Variants in SLC36A1 observed in about 807,000 individuals in gnomAD.
The protein encoded by SLC36A1 is proton-coupled amino acid transporter 1.
A neutral mutation model predicts 47.5 loss-of-function variants in SLC36A1; 30 were observed. The observed-to-expected ratio is 0.63, with a 90% CI of 0.47 to 0.86. The LOEUF (loss-of-function observed/expected upper bound fraction) is 0.86, where lower values mean the gene tolerates loss of function less well. SLC36A1 is among the 40% of genes least tolerant of loss of function. The probability of loss-of-function intolerance (pLI) is 0.00; values close to 1 mark genes in which losing one functional copy is unlikely to be tolerated. For missense variants in SLC36A1, 517 were observed against 606.0 expected (o/e 0.85, Z 1.54); for synonymous variants, 255 against 249.7 (o/e 1.02, Z -0.20).
the SLC36A1 span, chr5:151,504,352 G>A: frequency 2.5e-4 from 38 of 152,680 alleles, no homozygotes; most frequent in Non-Finnish European, 2.9e-5. Context: ...GGAGTGGTGA[G>A]GTCACCAAAG....
chr5:151,531,076 G>A, the SLC36A1 span, among the ~76,000 whole-genome samples: 1 of 152,094 alleles, frequency 6.6e-6, no homozygotes, highest in Non-Finnish European at 1.5e-5. This position sits in a 1 kb window ranked among gnomAD's most constrained non-coding sequence, Gnocchi z 5.7. Context: ...AGTCTTCTGT[G>A]GCTAGTAGGA....
At chr5:151,413,241 T>TC in the SLC36A1 span, among the ~76,000 whole-genome samples, 1 of 151,772 alleles carries the variant, frequency 6.6e-6, no homozygotes, top group South Asian at 2.1e-4. Context: ...TTTTTTTTTT[T>TC]CCAAATATGG....
chr5:151,416,440 A>C, the SLC36A1 span, among the ~76,000 whole-genome samples: 2 of 152,238 alleles, frequency 1.3e-5, no homozygotes, highest in South Asian at 4.1e-4. Flanking sequence ...TTACAACACA[A>C]TGTGGTGCCA....
intron 2 of SLC36A1, among the ~76,000 whole-genome samples, chr5:151,463,021 A>G (rs1432678475): frequency 6.6e-6 from 1 of 152,060 alleles, no homozygotes; most frequent in East Asian, 1.9e-4. Context: ...GATTACAGGC[A>G]CATGCCGCTA....
At chr5:151,363,887 C>T in the SLC36A1 span, among the ~76,000 whole-genome samples, 1 of 152,162 alleles carries the variant, frequency 6.6e-6, no homozygotes, top group Non-Finnish European at 1.5e-5. Context: ...AACTACTGAA[C>T]TCATGCAGAG....
At chr5:151,527,260 G>T in the SLC36A1 span, 1 of 1,612,546 alleles carries the variant, frequency 6.2e-7, no homozygotes, top group Non-Finnish European at 8.5e-7. Flanking sequence ...TAGTTGAGCT[G>T]GAAGAATCTC....
At chr5:151,515,292 C>A in the SLC36A1 span, among the ~76,000 whole-genome samples, 1 of 152,194 alleles carries the variant, frequency 6.6e-6, no homozygotes, top group Non-Finnish European at 1.5e-5. Context: ...ATCCCCTCTT[C>A]CCCCAGACCT....
the SLC36A1 span, among the ~76,000 whole-genome samples, chr5:151,531,335 AG>A: frequency 6.6e-6 from 1 of 152,152 alleles, no homozygotes; most frequent in South Asian, 2.1e-4. The surrounding 1 kb of genome is among the most constrained non-coding windows in gnomAD (Gnocchi z 5.7). Context: ...TGGATCACTG[AG>A]GGTCCTGGAC....
the SLC36A1 span, chr5:151,509,797 C>A: frequency 1.9e-6 from 1 of 528,154 alleles, no homozygotes; most frequent in African/African-American, 1.9e-5. Context: ...ATCCTGAAAC[C>A]ATCTCCCGTT....
At chr5:151,439,412 T>C (rs1396311840) in intron 1 of SLC36A1, among the ~76,000 whole-genome samples, 2 of 152,134 alleles carry the variant, frequency 1.3e-5, no homozygotes, top group Non-Finnish European at 2.9e-5. Flanking sequence ...CCCAGCACTT[T>C]GGGAAGCCAA....
the SLC36A1 span, among the ~76,000 whole-genome samples, chr5:151,428,119 G>T: frequency 2.0e-5 from 3 of 152,248 alleles, no homozygotes; most frequent in Middle Eastern, 3.4e-3. Flanking sequence ...CATGTTTCTG[G>T]GAAGTCCAGC....
intron 10 of SLC36A1, among the ~76,000 whole-genome samples, chr5:151,486,949 C>A (rs2127547524): frequency 6.6e-6 from 1 of 152,292 alleles, no homozygotes; most frequent in South Asian, 2.1e-4. Flanking sequence ...TTGTGAGGCA[C>A]CTGCATAACC....
At chr5:151,378,264 A>G in the SLC36A1 span, 1 of 222,216 alleles carries the variant, frequency 4.5e-6, no homozygotes. Context: ...CCATCCCAAC[A>G]GACTGTGAAC....
chr5:151,553,386 A>G, the SLC36A1 span: 2 of 1,613,982 alleles, frequency 1.2e-6, no homozygotes, highest in Non-Finnish European at 1.7e-6. Context: ...TGTTGCCTTG[A>G]TCTGAAAGGA....
chr5:151,477,863 G>A (rs562364633), intron 9 of SLC36A1, among the ~76,000 whole-genome samples: 5 of 152,270 alleles, frequency 3.3e-5, no homozygotes, highest in African/African-American at 9.6e-5. Flanking sequence ...CACATGATCC[G>A]AAGCCATAGA....
At chr5:151,448,382 C>T (rs959499128) in intron 1 of SLC36A1, among the ~76,000 whole-genome samples, 1 of 152,338 alleles carries the variant, frequency 6.6e-6, no homozygotes, top group East Asian at 1.9e-4. Context: ...CTTTCTGTCC[C>T]TTTCTCTTTT....
the SLC36A1 span, chr5:151,553,131 A>C: frequency 1.3e-6 from 2 of 1,577,502 alleles, no homozygotes; most frequent in Non-Finnish European, 1.7e-6. Context: ...CTGGTGTATA[A>C]GGATGGGAGG....
At chr5:151,393,313 G>A in the SLC36A1 span, among the ~76,000 whole-genome samples, 4 of 152,084 alleles carry the variant, frequency 2.6e-5, no homozygotes, top group South Asian at 2.1e-4. Context: ...CATGAGATGG[G>A]TCTCCTGAAT....
At chr5:151,345,623 A>G in the SLC36A1 span, among the ~76,000 whole-genome samples, 2 of 152,044 alleles carry the variant, frequency 1.3e-5, no homozygotes, top group African/African-American at 2.4e-5. Context: ...CGAGCACTAC[A>G]CCCTACTCGC....
Sources: allele counts gnomAD v4.1 joint callset (sites outside exome capture counted in the v4.1 genomes callset), GRCh38; gene constraint gnomAD v4.1.1; non-coding constraint Gnocchi (gnomAD v3.1); transcripts MANE v1.5; gene names NCBI Gene and HGNC (gene_info 2026-07-23, HGNC 2026-07-21).